The following STAU2 variants were observed in gnomAD, a reference collection of about 807,000 sequenced individuals.
STAU2 encodes the protein staufen double-stranded RNA binding protein 2.
A neutral mutation model predicts 65.9 loss-of-function variants in STAU2; 20 were observed. That is an observed-to-expected ratio of 0.30 (90% CI 0.21 to 0.44). STAU2 has a LOEUF of 0.44. Ranked by LOEUF, STAU2 falls within the 20% of genes least tolerant of loss-of-function variation. The probability of loss-of-function intolerance (pLI) is 1.00; values close to 1 mark genes in which losing one functional copy is unlikely to be tolerated. For missense variants in STAU2, 558 were observed against 683.9 expected, an observed-to-expected ratio of 0.82 and a Z score of 2.05; for synonymous variants, 232 against 233.9, an observed-to-expected ratio of 0.99 and a Z score of 0.07.
chr8:73,490,937 T>C (rs1323975599), intron 13 of STAU2, among the ~76,000 whole-genome samples: 2 of 152,024 alleles, frequency 1.3e-5, no homozygotes, highest in African/African-American at 2.4e-5. Context: ...CGTAAGTTCT[T>C]ACATATTCAA....
Position 73,494,192 on chromosome 8 carries a change from C to T in STAU2, c.1530+57820G>A, listed in dbSNP as rs538555488. Among the ~76,000 whole-genome samples the T allele has an allele frequency of 1.1e-4, 16 of 151,774 alleles. No individual in the cohort carries two copies. In the South Asian group the frequency reaches 2.9e-3, roughly 28 times the overall value. On this transcript the variant is annotated intron_variant, in intron 13 of 14. Coordinates refer to ENST00000524300, the MANE Select transcript of STAU2 (RefSeq NM_001164380.2). ...TATCTCAAAAGAAAAAAGGAACTCA[C>T]GTTTATGGACGCCCATGCTAAAGTA...
At chr8:73,428,891 T>C (rs367881698) in intron 13 of STAU2, among the ~76,000 whole-genome samples, 1 of 152,180 alleles carries the variant, frequency 6.6e-6, no homozygotes, top group Non-Finnish European at 1.5e-5. Context: ...GACGATTTTA[T>C]CAACATGCCA....
intron 6 of STAU2, among the ~76,000 whole-genome samples, chr8:73,647,391 A>G (rs887286645): frequency 6.6e-6 from 1 of 152,218 alleles, no homozygotes; most frequent in Non-Finnish European, 1.5e-5. Flanking sequence ...TCAAAAACAT[A>G]GAATACTATT....
intron 6 of STAU2, among the ~76,000 whole-genome samples, chr8:73,632,767 T>A (rs1038760039): frequency 6.6e-6 from 1 of 152,118 alleles, no homozygotes; most frequent in African/African-American, 2.4e-5. Flanking sequence ...ATCAAACAGA[T>A]GAAGAGCTAA....
At chr8:73,635,908 C>CCACCCA (rs1814459510) in intron 6 of STAU2, among the ~76,000 whole-genome samples, 1 of 74,878 alleles carries the variant, frequency 1.3e-5, no homozygotes, top group African/African-American at 7.0e-5. Flanking sequence ...GACCCCTGAA[C>CCACCCA]CACACACACA....
intron 8 of STAU2, among the ~76,000 whole-genome samples, chr8:73,615,211 G>A (rs1182299210): frequency 1.3e-5 from 2 of 151,428 alleles, no homozygotes; most frequent in Non-Finnish European, 2.9e-5. Flanking sequence ...TTATCTAGCT[G>A]TTAAGTCAAG....
At chr8:73,463,014 C>T (rs1242152109) in intron 13 of STAU2, among the ~76,000 whole-genome samples, 1 of 152,168 alleles carries the variant, frequency 6.6e-6, no homozygotes, top group Non-Finnish European at 1.5e-5. Context: ...TTCTTCCTTC[C>T]AGGATGCCTG....
intron 13 of STAU2, chr8:73,550,940 T>C (rs1462608199): frequency 3.0e-6 from 3 of 985,074 alleles, no homozygotes; most frequent in Admixed American, 1.2e-4. Flanking sequence ...AAAATATTTA[T>C]AAATACATGA....
At chr8:73,429,933 G>A (rs186770992) in intron 13 of STAU2, among the ~76,000 whole-genome samples, 3 of 152,188 alleles carry the variant, frequency 2.0e-5, no homozygotes, top group Admixed American at 6.5e-5. Flanking sequence ...GGAGCACACA[G>A]TGTCCCGTCA....
chr8:73,550,966 C>T (rs1468443474), intron 13 of STAU2: 3 of 985,356 alleles, frequency 3.0e-6, no homozygotes, highest in African/African-American at 3.5e-5. Context: ...CTACACAATA[C>T]AGATCTTCTA....
At chr8:73,632,065 C>T (rs545662466) in intron 6 of STAU2, among the ~76,000 whole-genome samples, 4 of 151,542 alleles carry the variant, frequency 2.6e-5, no homozygotes, top group Admixed American at 6.6e-5. Flanking sequence ...CACACGAACA[C>T]GAGCAAGAGA....
chr8:73,694,033 G>A (rs1211394968), intron 4 of STAU2, among the ~76,000 whole-genome samples: 1 of 152,106 alleles, frequency 6.6e-6, no homozygotes, highest in East Asian at 1.9e-4. Context: ...CATAAATCAA[G>A]GAGAAATTAG....
chr8:73,595,278 A>C lies in STAU2; in HGVS notation c.1049T>G (p.Val350Gly), dbSNP rs1811100354. 6.2e-7 allele frequency: 1 copy of C among 1,605,846 alleles called. No individual in the cohort carries two copies. Among genetic ancestry groups the C allele is most frequent in the Non-Finnish European group, 8.5e-7 (1 of 1,177,254 alleles). ...TTTATTAGGTCCTGTTCCTGTAGCA[A>C]CTTCATTGCCTACCTTCACCTGATA... The part of the protein sequence containing the change: ...FVMQVKVGNE[V>G]ATGTGPNKKI... Residue 350 changes from valine to glycine, a missense_variant, in exon 11 of 15, where the codon GTT becomes GGT. By Grantham distance (109) the Val-to-Gly change is moderately radical. This residue lies in a region of STAU2 where 247 missense variants were observed against 270.1 expected (regional missense o/e 0.91). Coordinates refer to ENST00000524300, the MANE Select transcript of STAU2 (RefSeq NM_001164380.2).
At chr8:73,554,507 G>C (rs781062635) in intron 12 of STAU2, among the ~76,000 whole-genome samples, 15 of 152,206 alleles carry the variant, frequency 9.9e-5, no homozygotes, top group Non-Finnish European at 1.2e-4. Flanking sequence ...CTGGGAGCTG[G>C]GGGTGGAGGG....
chr8:73,478,485 T>G (rs1273532051), intron 13 of STAU2, among the ~76,000 whole-genome samples: 3 of 90,172 alleles, frequency 3.3e-5, no homozygotes, highest in South Asian at 6.0e-4. Flanking sequence ...CTAAAAATAG[T>G]TTTTTTTTTC....
At chr8:73,659,295 T>C (rs1022584204) in intron 6 of STAU2, among the ~76,000 whole-genome samples, 1 of 152,136 alleles carries the variant, frequency 6.6e-6, no homozygotes, top group Non-Finnish European at 1.5e-5. Context: ...CCCAGCACTT[T>C]GGGAGGCTGA....
At chr8:73,600,554 C>T (rs1230394272) in intron 10 of STAU2, among the ~76,000 whole-genome samples, 3 of 152,146 alleles carry the variant, frequency 2.0e-5, no homozygotes, top group Non-Finnish European at 4.4e-5. Context: ...ACCTCTGCTC[C>T]CTGTTATTTT....
chr8:73,673,297 C>G (rs756060932), intron 5 of STAU2, 55 bp from the exon 6 acceptor site: 37 of 1,447,158 alleles, frequency 2.6e-5, no homozygotes, highest in Non-Finnish European at 3.3e-5. Flanking sequence ...CACAATTAAA[C>G]ATGCAAGCTA....
intron 12 of STAU2, among the ~76,000 whole-genome samples, chr8:73,578,125 T>C (rs1809714688): frequency 6.6e-6 from 1 of 152,216 alleles, no homozygotes. Flanking sequence ...ATGCTCATAT[T>C]ATTTCCATTT....
Sources: gnomAD v4.1 joint callset for allele counts (sites outside exome capture counted in the v4.1 genomes callset) on GRCh38, gnomAD v4.1.1 for gene constraint, gnomAD v4.1.1 regional missense constraint, MANE v1.5 for transcripts, NCBI Gene and HGNC (gene_info 2026-07-23, HGNC 2026-07-21) for gene names.